BAZ2B: variants seen among roughly 807,000 people sequenced by gnomAD.
BAZ2B encodes bromodomain adjacent to zinc finger domain protein 2B.
BAZ2B carries 91 observed loss-of-function variants against 246.0 expected under a neutral mutation model. That is an observed-to-expected ratio of 0.37 (90% CI 0.31 to 0.44). The LOEUF is 0.44. BAZ2B is among the 20% of genes least tolerant of loss of function. The pLI is 1.00. For synonymous variants in BAZ2B, 855 were observed against 860.0 expected (o/e 0.99, Z 0.10); for missense variants, 2,332 against 2,533.7 (o/e 0.92, Z 1.71).
At chr2:159,621,335 A>G (rs1218934870), upstream of BAZ2B, among the ~76,000 whole-genome samples, 2 of 152,184 alleles carry the variant, frequency 1.3e-5, no homozygotes, top group African/African-American at 4.8e-5. Flanking sequence ...TGGGGGGTCA[A>G]GTATTTCTTT....
intron 1 of BAZ2B, among the ~76,000 whole-genome samples, chr2:159,599,935 C>CAAAAAAAAAAAAA (rs11303439): frequency 2.0e-5 from 2 of 101,596 alleles, no homozygotes; most frequent in Non-Finnish European, 3.8e-5. Context: ...GACTCCTTCT[C>CAAAAAAAAAAAAA]AAAAAAAAAA....
intron 16 of BAZ2B, among the ~76,000 whole-genome samples, chr2:159,403,079 T>C (rs918387402): frequency 6.6e-6 from 1 of 152,144 alleles, no homozygotes; most frequent in Non-Finnish European, 1.5e-5. Context: ...TTCCAGAAAA[T>C]TGTCTTAAGG....
chr2:159,526,233 G>A (rs2084715628), intron 2 of BAZ2B, among the ~76,000 whole-genome samples: 1 of 152,024 alleles, frequency 6.6e-6, no homozygotes, highest in African/African-American at 2.4e-5. Context: ...TTAAGCAAAT[G>A]CCAAAAAAGT....
In BAZ2B at chr2:159,339,596, T is replaced by C. The variant is rs75348848; in HGVS notation, c.5455-1824A>G. On this transcript the variant is annotated intron_variant, in intron 31 of 36. Transcript: ENST00000392783. The stretch of plus-strand genomic sequence containing the variant: ...ACATAGAAAAGAAAGAAAATCAATA[T>C]ATGGAAGAGATATTTGTACTCCTAT... 8.0e-3 allele frequency among the ~76,000 whole-genome samples: 1,222 copies of C among 152,196 alleles called. 23 individuals are homozygous for C. The highest frequency in any genetic ancestry group is 0.028 in the African/African-American group (1,168 of 41,522).
intron 2 of BAZ2B, among the ~76,000 whole-genome samples, chr2:159,497,754 GAA>G (rs1395098965): frequency 6.6e-6 from 1 of 151,746 alleles, no homozygotes; most frequent in Non-Finnish European, 1.5e-5. Flanking sequence ...GAGAGAGAGA[GAA>G]GATACTCTTC....
At chr2:159,462,991 C>A in intron 3 of BAZ2B, 1 of 836,710 alleles carries the variant, frequency 1.2e-6, no homozygotes, top group Non-Finnish European at 2.1e-6. Context: ...TTTCTTGGAT[C>A]TAAAACTCTG....
At chr2:159,688,532 TAATAC>T in the BAZ2B span, among the ~76,000 whole-genome samples, 3 of 152,210 alleles carry the variant, frequency 2.0e-5, no homozygotes, top group South Asian at 2.1e-4. Flanking sequence ...AAGTTAGTAT[TAATAC>T]AATACTATCC....
chr2:159,484,577 T>C (rs1038421827), intron 2 of BAZ2B, among the ~76,000 whole-genome samples: 2 of 152,244 alleles, frequency 1.3e-5, no homozygotes, highest in African/African-American at 4.8e-5. Context: ...CTTCCCTGCA[T>C]GATGATTTTA....
intron 33 of BAZ2B, among the ~76,000 whole-genome samples, chr2:159,335,345 G>A (rs893393674): frequency 6.6e-6 from 1 of 151,944 alleles, no homozygotes; most frequent in East Asian, 1.9e-4. Flanking sequence ...TCAGGAGTTC[G>A]AGACCAGCCT....
intron 21 of BAZ2B, among the ~76,000 whole-genome samples, chr2:159,388,544 A>G (rs1203079842): frequency 6.6e-6 from 1 of 152,156 alleles, no homozygotes; most frequent in Non-Finnish European, 1.5e-5. Flanking sequence ...GCCATTTATT[A>G]GTTGTGTAAT....
chr2:159,660,623 T>G, the BAZ2B span, among the ~76,000 whole-genome samples: 264 of 152,214 alleles, frequency 1.7e-3, 2 homozygotes, highest in Non-Finnish European at 4.4e-4. Flanking sequence ...ATATATATAT[T>G]TTTTGAGACA....
chr2:159,350,300 A>T lies in BAZ2B; in HGVS notation c.4271T>A (p.Ile1424Asn). 1 of 1,601,520 alleles carries T rather than the reference A, an allele frequency of 6.2e-7. No individual in the cohort carries two copies. Among genetic ancestry groups the T allele is most frequent in the East Asian group, 2.2e-5 (1 of 44,772 alleles). The change falls in exon 28 of 37, where the codon ATC becomes AAC. Residue 1424 changes from isoleucine to asparagine, a missense_variant. Ile to Asn is a moderately radical substitution (Grantham distance 149). This residue lies in a region of BAZ2B where 676 missense variants were observed against 668.6 expected (regional missense o/e 1.01). Coordinates refer to ENST00000392783, the MANE Select transcript of BAZ2B (RefSeq NM_013450.4). ...EKLKKAESVQ[I>N]KEEMFETSGD... ...AGAAGTCTCAAACATTTCTTCTTTGATCTGGACACTTTCTGCCTTTTTCAG... is the reference window on the plus strand; with the variant it reads ...AGAAGTCTCAAACATTTCTTCTTTGTTCTGGACACTTTCTGCCTTTTTCAG...
chr2:159,626,283 T>C, the BAZ2B span, among the ~76,000 whole-genome samples: 1 of 151,454 alleles, frequency 6.6e-6, no homozygotes, highest in Non-Finnish European at 1.5e-5. Context: ...GACAAAAAAT[T>C]AAGAATATTC....
intron 1 of BAZ2B, among the ~76,000 whole-genome samples, chr2:159,570,222 T>C (rs904906779): frequency 6.6e-6 from 1 of 151,320 alleles, no homozygotes; most frequent in Admixed American, 6.6e-5. Context: ...TCTCGCTCTG[T>C]GGCCCAGGCT....
At chr2:159,647,032 T>C in the BAZ2B span, among the ~76,000 whole-genome samples, 1 of 152,174 alleles carries the variant, frequency 6.6e-6, no homozygotes, top group East Asian at 1.9e-4. Context: ...ATTTCTAGGA[T>C]GCATATCAAA....
intron 36 of BAZ2B, among the ~76,000 whole-genome samples, chr2:159,321,610 G>A (rs747832726): frequency 3.9e-5 from 6 of 152,132 alleles, no homozygotes; most frequent in Non-Finnish European, 7.4e-5. Flanking sequence ...TTGAAACAAC[G>A]TGGATCAAAC....
intron 8 of BAZ2B, among the ~76,000 whole-genome samples, chr2:159,435,708 C>T (rs775725339): frequency 5.9e-5 from 9 of 152,082 alleles, no homozygotes; most frequent in Non-Finnish European, 5.9e-5. Context: ...AGGCTGGCCT[C>T]GAACTCCTGA....
the BAZ2B span, among the ~76,000 whole-genome samples, chr2:159,638,620 T>C: frequency 6.6e-6 from 1 of 152,170 alleles, no homozygotes; most frequent in East Asian, 1.9e-4. Flanking sequence ...GAAGAATGCA[T>C]CAGAGTTTTT....
At chr2:159,603,800 T>C (rs1692749286) in intron 1 of BAZ2B, among the ~76,000 whole-genome samples, 1 of 152,204 alleles carries the variant, frequency 6.6e-6, no homozygotes, top group African/African-American at 2.4e-5. Context: ...CAGTGGATTA[T>C]TTTAGTTCTT....
Sources: gnomAD v4.1 joint callset for allele counts (sites outside exome capture counted in the v4.1 genomes callset) on GRCh38, gnomAD v4.1.1 for gene constraint, gnomAD v4.1.1 regional missense constraint, MANE v1.5 for transcripts, NCBI Gene and HGNC (gene_info 2026-07-23, HGNC 2026-07-21) for gene names.